The following MIPEP variants were observed in gnomAD, a reference collection of about 807,000 sequenced individuals.
The protein encoded by MIPEP is mitochondrial intermediate peptidase.
MIPEP carries 79 observed loss-of-function variants against 90.3 expected under a neutral mutation model. That is an observed-to-expected ratio of 0.87 (90% confidence interval 0.73 to 1.05). The LOEUF (loss-of-function observed/expected upper bound fraction) is 1.05. MIPEP is among the 50% of genes least tolerant of loss of function. The probability of loss-of-function intolerance (pLI) is 0.00; values close to 1 mark genes in which losing one functional copy is unlikely to be tolerated. For missense variants in MIPEP, 940 were observed against 905.6 expected (o/e 1.04, Z -0.49); for synonymous variants, 334 against 315.8 (o/e 1.06, Z -0.61).
chr13:23,889,024 C>T, intron 1 of MIPEP, 108 bp downstream of exon 1: 2 of 1,078,794 alleles, frequency 1.9e-6, no homozygotes, highest in Non-Finnish European at 1.2e-6. Flanking sequence ...GGGTTCGCTG[C>T]TCGCCTCCTC....
rs4067953 is a variant in MIPEP at position 23,881,454 on chromosome 13, C to T, written c.452+245G>A. 4.2e-4 allele frequency among the ~76,000 whole-genome samples: 64 copies of T among 152,336 alleles called. No individual in the cohort carries two copies. The South Asian group carries it at 4.8e-3, about 11-fold the overall frequency. On this transcript the variant is annotated intron_variant, in intron 3 of 18. Transcript: ENST00000382172. ...GGACCCTGAGGCAGGGTTAACTTTT[C>T]GACCCCATTTACAGACAAGGAAATG... is the stretch of plus-strand genomic sequence containing the variant.
intron 14 of MIPEP, among the ~76,000 whole-genome samples, chr13:23,834,156 G>A (rs1057133624): frequency 1.3e-5 from 2 of 152,144 alleles, no homozygotes; most frequent in South Asian, 2.1e-4. Context: ...CCGAGCCCCC[G>A]GAGCCGGAGC....
chr13:23,888,684 T>TAATGG (rs1871635984), intron 1 of MIPEP: 10 of 991,426 alleles, frequency 1.0e-5, no homozygotes, highest in Non-Finnish European at 1.2e-5. Flanking sequence ...TTACCATTAC[T>TAATGG]CGACTGCAGG....
chr13:23,845,295 T>C (rs1869485599), intron 10 of MIPEP, among the ~76,000 whole-genome samples: 1 of 152,168 alleles, frequency 6.6e-6, no homozygotes, highest in Non-Finnish European at 1.5e-5. Flanking sequence ...GCTCATTTCA[T>C]GCATCTCCTG....
chr13:23,780,754 C>T (rs1292130686), intron 16 of MIPEP, among the ~76,000 whole-genome samples: 1 of 152,140 alleles, frequency 6.6e-6, no homozygotes, highest in Non-Finnish European at 1.5e-5. Context: ...TAGAGAAGTC[C>T]TTAAATGACC....
chr13:23,782,689 C>A (rs1368031932), intron 16 of MIPEP, among the ~76,000 whole-genome samples: 1 of 151,800 alleles, frequency 6.6e-6, no homozygotes, highest in African/African-American at 2.4e-5. Context: ...AAAAGATCAA[C>A]AAAATTGATA....
At chr13:23,743,974 G>C (rs1382690839) in intron 18 of MIPEP, among the ~76,000 whole-genome samples, 1 of 152,132 alleles carries the variant, frequency 6.6e-6, no homozygotes, top group African/African-American at 2.4e-5. Context: ...CTATTATTCT[G>C]GGCTGCCTCT....
rs554789146 is a variant in MIPEP at position 23,872,245 on chromosome 13, T to C, written c.604-2050A>G. ...GGGAGGCTGAGGCAGGTGGATCACC[T>C]GAGGTCGGGAGTTCGAGACCAGCCT... On this transcript the variant is annotated intron_variant, in intron 5 of 18. Transcript: ENST00000382172. Among the ~76,000 whole-genome samples, 632 of 152,340 alleles carry C rather than the reference T, an allele frequency of 4.1e-3. 5 individuals are homozygous for C. Among genetic ancestry groups the C allele is most frequent in the African/African-American group, 0.015 (604 of 41,580 alleles).
intron 18 of MIPEP, among the ~76,000 whole-genome samples, chr13:23,731,098 C>A (rs1019962018): frequency 6.6e-5 from 10 of 152,186 alleles, no homozygotes; most frequent in African/African-American, 1.4e-4. Flanking sequence ...AAGCTGAATT[C>A]ATGTCCTTTC....
At chr13:23,852,842 A>C (rs1869861350) in intron 10 of MIPEP, among the ~76,000 whole-genome samples, 1 of 152,188 alleles carries the variant, frequency 6.6e-6, no homozygotes, top group South Asian at 2.1e-4. Context: ...CAGACCTTCT[A>C]GTAGGACAAG....
chr13:23,774,955 C>T (rs556474419), intron 16 of MIPEP, among the ~76,000 whole-genome samples: 43 of 151,856 alleles, frequency 2.8e-4, no homozygotes, highest in African/African-American at 6.3e-4. Flanking sequence ...CCACCATGCC[C>T]GGCTAATTTT....
At chr13:23,764,386 C>G (rs1017382473) in intron 16 of MIPEP, among the ~76,000 whole-genome samples, 3 of 152,060 alleles carry the variant, frequency 2.0e-5, no homozygotes, top group African/African-American at 7.2e-5. Context: ...TGCCTATAGC[C>G]CTACTCTAAT....
chr13:23,755,612 T>C (rs1372409702), intron 18 of MIPEP, among the ~76,000 whole-genome samples: 1 of 152,236 alleles, frequency 6.6e-6, no homozygotes, highest in Non-Finnish European at 1.5e-5. Context: ...TATATTGCAA[T>C]TATCTAGTAA....
At chr13:23,812,773 C>T (rs1170974838) in intron 14 of MIPEP, among the ~76,000 whole-genome samples, 2 of 152,156 alleles carry the variant, frequency 1.3e-5, no homozygotes, top group African/African-American at 4.8e-5. Context: ...GTTTTTGCAA[C>T]TTTCTGTGAA....
intron 14 of MIPEP, among the ~76,000 whole-genome samples, chr13:23,826,119 T>A (rs1050529892): frequency 6.6e-6 from 1 of 151,790 alleles, no homozygotes; most frequent in African/African-American, 2.4e-5. Context: ...GGATAACATA[T>A]AAGGAAGAAA....
At chr13:23,811,327 T>C (rs954470095) in intron 14 of MIPEP, among the ~76,000 whole-genome samples, 1 of 152,178 alleles carries the variant, frequency 6.6e-6, no homozygotes, top group Non-Finnish European at 1.5e-5. Context: ...AGAAGAGAAA[T>C]CTAACATGAC....
intron 16 of MIPEP, among the ~76,000 whole-genome samples, chr13:23,770,188 C>T (rs541465726): frequency 7.9e-5 from 12 of 152,306 alleles, no homozygotes; most frequent in Admixed American, 1.3e-4. Flanking sequence ...GAATGGCTTC[C>T]TCAGACCATG....
chr13:23,826,324 G>C (rs1200489741), intron 14 of MIPEP, among the ~76,000 whole-genome samples: 1 of 151,994 alleles, frequency 6.6e-6, no homozygotes, highest in Non-Finnish European at 1.5e-5. Flanking sequence ...TTAAAAGGTT[G>C]ACTTACCAGA....
chr13:23,809,855 G>A lies in MIPEP; in HGVS notation c.1723C>T (p.Leu575Phe), dbSNP rs767100974. 25 of 1,610,768 alleles carry A rather than the reference G, an allele frequency of 1.6e-5. No homozygotes were observed. The highest frequency in any genetic ancestry group is 2.0e-5 in the Non-Finnish European group (24 of 1,177,338). The change falls in exon 15 of 19, where the codon CTT becomes TTT. Residue 575 changes from leucine (L) to phenylalanine (F), a missense_variant. Leu to Phe is a conservative substitution (Grantham distance 22). Transcript: ENST00000382172. ...KKVCAAADMQ[L>F]QVFYATLDQI... ...GAACAAAGGTACATACATACCTGAA[G>A]TTGCATATCAGCTGCAGCACAAACC...
Sources: gnomAD v4.1 joint callset for allele counts (sites outside exome capture counted in the v4.1 genomes callset) on GRCh38, gnomAD v4.1.1 for gene constraint, MANE v1.5 for transcripts, NCBI Gene and HGNC (gene_info 2026-07-23, HGNC 2026-07-21) for gene names.